The following FAM168A variants were observed in gnomAD, a reference collection of about 807,000 sequenced individuals.
FAM168A encodes the protein family with sequence similarity 168 member A.
A neutral mutation model predicts 28.5 loss-of-function variants in FAM168A; 3 were observed. That is an observed-to-expected ratio of 0.11 (90% CI 0.05 to 0.27). The LOEUF is 0.27. Ranked by LOEUF, FAM168A falls within the 10% of genes least tolerant of loss-of-function variation. FAM168A has a pLI of 1.00. For missense variants in FAM168A, 222 were observed against 311.5 expected, an observed-to-expected ratio of 0.71 and a Z score of 2.16; for synonymous variants, 122 against 124.2, an observed-to-expected ratio of 0.98 and a Z score of 0.12.
At chr11:73,543,159 A>G (rs905409240) in intron 1 of FAM168A, among the ~76,000 whole-genome samples, 7 of 151,900 alleles carry the variant, frequency 4.6e-5, no homozygotes, top group Middle Eastern at 6.8e-3. Flanking sequence ...CTAGGACACA[A>G]TTGAAAGCAC....
chr11:73,519,430 G>A lies in FAM168A; in HGVS notation c.-18-50938C>T, dbSNP rs561759379. On this transcript the variant is annotated intron_variant, in intron 1 of 7. Coordinates refer to ENST00000356467, the MANE Select transcript of FAM168A (RefSeq NM_015159.3). ...ACTCAGCCACTGCCCCATCCTCAGAGTTTACACTCTAGAGGAGGAAAGAGA... is the reference window on the plus strand; with the variant it reads ...ACTCAGCCACTGCCCCATCCTCAGAATTTACACTCTAGAGGAGGAAAGAGA... Among the ~76,000 whole-genome samples the A allele has an allele frequency of 2.0e-5, 3 of 152,288 alleles. No individual in the cohort carries two copies. The South Asian group carries it at 6.2e-4, about 32-fold the overall frequency.
chr11:73,512,407 G>A (rs1855243021), intron 1 of FAM168A, among the ~76,000 whole-genome samples: 1 of 152,044 alleles, frequency 6.6e-6, no homozygotes, highest in Non-Finnish European at 1.5e-5. Flanking sequence ...CTAGGAAGAG[G>A]AGAGAATGAG....
At chr11:73,588,496 G>C (rs527877394) in intron 1 of FAM168A, among the ~76,000 whole-genome samples, 1 of 152,232 alleles carries the variant, frequency 6.6e-6, no homozygotes, top group South Asian at 2.1e-4. Flanking sequence ...TTGGAGACCA[G>C]CCTGGGCAAC....
chr11:73,517,192 T>A (rs1239776190), intron 1 of FAM168A, among the ~76,000 whole-genome samples: 3 of 152,076 alleles, frequency 2.0e-5, no homozygotes, highest in Admixed American at 6.6e-5. Flanking sequence ...TAGGACGACA[T>A]GTGTGCATCA....
intron 1 of FAM168A, 147 bp from the exon 2 acceptor site, chr11:73,468,639 G>T: frequency 3.2e-6 from 2 of 622,594 alleles, no homozygotes; most frequent in Non-Finnish European, 2.8e-6. Context: ...CAATTTGCTT[G>T]TAGTTGGCCC....
At chr11:73,580,379 G>T in intron 1 of FAM168A, 2 of 612,210 alleles carry the variant, frequency 3.3e-6, no homozygotes, top group Non-Finnish European at 6.3e-6. Context: ...GGCCAAAAAA[G>T]CCCCTGCAAA....
chr11:73,503,143 C>T (rs970138999), intron 1 of FAM168A, among the ~76,000 whole-genome samples: 1 of 152,098 alleles, frequency 6.6e-6, no homozygotes, highest in Non-Finnish European at 1.5e-5. Flanking sequence ...ATTGGAAGTT[C>T]TGGCCAGGGC....
chr11:73,435,562 T>G (rs958627961), intron 2 of FAM168A, among the ~76,000 whole-genome samples: 5 of 152,222 alleles, frequency 3.3e-5, no homozygotes, highest in Admixed American at 1.3e-4. Flanking sequence ...TTTCTTACCT[T>G]CCTTCCTTCC....
At chr11:73,520,671 C>A (rs566866400) in intron 1 of FAM168A, among the ~76,000 whole-genome samples, 33 of 152,114 alleles carry the variant, frequency 2.2e-4, no homozygotes, top group Non-Finnish European at 3.4e-4. Flanking sequence ...AAATTATAAT[C>A]CTTGAATGAA....
intron 1 of FAM168A, among the ~76,000 whole-genome samples, chr11:73,550,012 A>G (rs1943806890): frequency 6.6e-6 from 1 of 152,248 alleles, no homozygotes; most frequent in Admixed American, 6.5e-5. Context: ...AATAAAAATA[A>G]GAAGACTGGT....
At position 73,400,917 on chromosome 11, in the gene FAM168A, AAAC is replaced by A. The variant is rs1866393267; in HGVS notation, c.*5843_*5845del. ...TGATCACTGTCTGATCTTCAAAACA[AAAC>A]AAAAACCCAAAAGAATCCAAAACAA... On this transcript the variant is annotated 3_prime_UTR_variant, in exon 8 of 8. Coordinates refer to ENST00000356467, the MANE Select transcript of FAM168A (RefSeq NM_015159.3). 1 of 152,098 alleles carries A rather than the reference AAAC, an allele frequency of 6.6e-6. No homozygotes were observed. The highest frequency in any genetic ancestry group is 2.1e-4 in the South Asian group (1 of 4,830). The allele number at this position is 152,098 out of a possible 1,614,324, so 9.4% of individuals were successfully genotyped here.
chr11:73,414,118 C>T (rs1307057364), intron 4 of FAM168A, among the ~76,000 whole-genome samples: 2 of 152,164 alleles, frequency 1.3e-5, no homozygotes, highest in African/African-American at 4.8e-5. Context: ...ATGTACAAGA[C>T]TGTATTTTCC....
At chr11:73,480,757 T>C (rs1867957320) in intron 1 of FAM168A, among the ~76,000 whole-genome samples, 2 of 152,312 alleles carry the variant, frequency 1.3e-5, no homozygotes, top group African/African-American at 4.8e-5. Context: ...TTAAGTGATT[T>C]GTTCAAGGTC....
At chr11:73,593,137 A>G (rs904195726) in intron 1 of FAM168A, among the ~76,000 whole-genome samples, 2 of 152,206 alleles carry the variant, frequency 1.3e-5, no homozygotes, top group Non-Finnish European at 2.9e-5. Context: ...TATAAAGAAA[A>G]GCAAAGAAAT....
At chr11:73,473,871 T>G (rs987315711) in intron 1 of FAM168A, among the ~76,000 whole-genome samples, 1 of 151,858 alleles carries the variant, frequency 6.6e-6, no homozygotes, top group African/African-American at 2.4e-5. Flanking sequence ...TGGAGTGCAG[T>G]GGCGCAATCT....
chr11:73,433,378 AAT>A (rs1491027242), intron 2 of FAM168A, among the ~76,000 whole-genome samples: 3 of 151,820 alleles, frequency 2.0e-5, no homozygotes, highest in Non-Finnish European at 4.4e-5. Flanking sequence ...AAAAAAAAAA[AAT>A]CAATTTTAAG....
chr11:73,495,638 G>A (rs188687456), intron 1 of FAM168A, among the ~76,000 whole-genome samples: 1 of 152,286 alleles, frequency 6.6e-6, no homozygotes, highest in African/African-American at 2.4e-5. Flanking sequence ...TTTCTCCAAA[G>A]ATATACAAAT....
intron 2 of FAM168A, among the ~76,000 whole-genome samples, chr11:73,464,757 A>AT (rs971820764): frequency 2.6e-5 from 4 of 151,976 alleles, no homozygotes; most frequent in African/African-American, 7.2e-5. Flanking sequence ...TTTTAGAATT[A>AT]TTTTCTAATT....
chr11:73,421,247 C>T (rs1252394296), intron 3 of FAM168A, among the ~76,000 whole-genome samples: 1 of 152,156 alleles, frequency 6.6e-6, no homozygotes, highest in East Asian at 1.9e-4. Context: ...TAGAGAGATC[C>T]CGTAACCCCC....
Sources: gnomAD v4.1 joint callset for allele counts (sites outside exome capture counted in the v4.1 genomes callset) on GRCh38, gnomAD v4.1.1 for gene constraint, MANE v1.5 for transcripts, NCBI Gene and HGNC (gene_info 2026-07-23, HGNC 2026-07-21) for gene names.